Variants in ITGA4 observed in about 807,000 individuals in gnomAD.
The protein encoded by ITGA4 is integrin subunit alpha 4, also known as integrin alpha-4.
A neutral mutation model predicts 133.6 loss-of-function variants in ITGA4; 63 were observed. The ratio of observed to expected loss-of-function variants is 0.47; its 90% CI spans 0.38 to 0.58. The LOEUF is 0.58. ITGA4 is among the 20% of genes least tolerant of loss of function. The pLI, the probability that ITGA4 is intolerant of heterozygous loss-of-function variation, is 0.00. For synonymous variants in ITGA4, 483 were observed against 438.0 expected (o/e 1.10, Z -1.28); for missense variants, 1,076 against 1,252.7 (o/e 0.86, Z 2.13).
intron 2 of ITGA4, among the ~76,000 whole-genome samples, chr2:181,474,225 T>A (rs892834098): frequency 3.9e-5 from 6 of 152,228 alleles, no homozygotes; most frequent in African/African-American, 1.4e-4. Flanking sequence ...TAATGATCAC[T>A]GTGAAGACCA....
chr2:181,534,487 G>A, intron 26 of ITGA4, 117 bp downstream of exon 26: 1 of 697,878 alleles, frequency 1.4e-6, no homozygotes, highest in South Asian at 1.8e-5. Flanking sequence ...ACCAGCTCAT[G>A]GAGGGCCCCC....
intron 17 of ITGA4, among the ~76,000 whole-genome samples, chr2:181,515,010 C>A (rs1686578084): frequency 6.6e-6 from 1 of 152,024 alleles, no homozygotes; most frequent in Non-Finnish European, 1.5e-5. Flanking sequence ...CTCTGAGCCA[C>A]CTTTATGAGA....
intron 10 of ITGA4, among the ~76,000 whole-genome samples, chr2:181,488,058 T>G (rs1574390923): frequency 6.6e-6 from 1 of 152,384 alleles, no homozygotes; most frequent in East Asian, 1.9e-4. Context: ...CTTTTGAATG[T>G]GAAAAGTATA....
chr2:181,526,836 T>TTTTTTTTTTTTTTTTG (rs1686840828), intron 21 of ITGA4, among the ~76,000 whole-genome samples: 1 of 101,512 alleles, frequency 9.9e-6, no homozygotes, highest in African/African-American at 5.7e-5. Flanking sequence ...TTTTTTTTTT[T>TTTTTTTTTTTTTTTTG]TTTTTTTTTT....
At chr2:181,503,273 C>T (rs1402123244) in intron 15 of ITGA4, among the ~76,000 whole-genome samples, 1 of 152,046 alleles carries the variant, frequency 6.6e-6, no homozygotes, top group African/African-American at 2.4e-5. Flanking sequence ...AAAAAGACTC[C>T]AGATCTTAAG....
rs202021861 is a variant in ITGA4 at position 181,536,728 on chromosome 2, T to G, written c.*1201T>G. The G allele has an allele frequency of 4.4e-5, 11 of 248,192 alleles. No individual in the cohort carries two copies. The highest frequency in any genetic ancestry group is 2.5e-4 in the African/African-American group (11 of 43,718). 15.4% of individuals were successfully genotyped at this position (248,192 alleles called of 1,614,324 possible). ...TGTTCATACTATATGAGGTTCTATT[T>G]TAAATGACTTTCTGGATTTTAAAAA... On this transcript the variant is annotated 3_prime_UTR_variant, in exon 28 of 28. Transcript: ENST00000397033.
rs1431916927 is a variant in ITGA4 at position 181,536,340 on chromosome 2, G to GTT, written c.*814_*815dup. On this transcript the variant is annotated 3_prime_UTR_variant, in exon 28 of 28. Transcript: ENST00000397033. The stretch of plus-strand genomic sequence containing the variant: ...CCCAGGAGTAATCTTCAAATCTTTT[G>GTT]TTATATTCTGAAACAAAAGATTGTG... 6.6e-6 allele frequency among the ~76,000 whole-genome samples: 1 copy of GTT among 151,684 alleles called. No homozygotes were observed. Among genetic ancestry groups the GTT allele is most frequent in the African/African-American group, 2.4e-5 (1 of 41,310 alleles).
Position 181,498,721 on chromosome 2 carries a change from A to G in ITGA4, c.1639A>G (p.Ser547Gly). ...TGGAACTTCTGACGTGATTACAGGAAGCATACAGGTGTCCAGCAGAGAAGC... is the reference window on the plus strand; with the variant it reads ...TGGAACTTCTGACGTGATTACAGGAGGCATACAGGTGTCCAGCAGAGAAGC... ...SNGTSDVITGSIQVSSREANC... is the reference protein window; with the variant it reads ...SNGTSDVITGGIQVSSREANC... The change falls in exon 15 of 28, where the codon AGC becomes GGC. Residue 547 changes from serine (S) to glycine (G), a missense_variant. This residue lies in a region of ITGA4 where 365 missense variants were observed against 421.4 expected (regional missense o/e 0.87). Coordinates refer to ENST00000397033, the MANE Select transcript of ITGA4 (RefSeq NM_000885.6). 6.2e-7 allele frequency: 1 copy of G among 1,612,788 alleles called. No individual in the cohort carries two copies. The highest frequency in any genetic ancestry group is 1.3e-5 in the African/African-American group (1 of 74,956).
chr2:181,464,091 G>A (rs918851827), intron 2 of ITGA4, among the ~76,000 whole-genome samples: 2 of 151,750 alleles, frequency 1.3e-5, no homozygotes, highest in Non-Finnish European at 2.9e-5. Context: ...AAAAGAGGCT[G>A]AAAAAAAGGC....
At chr2:181,490,199 G>C (rs972018912) in intron 10 of ITGA4, among the ~76,000 whole-genome samples, 3 of 152,192 alleles carry the variant, frequency 2.0e-5, no homozygotes, top group African/African-American at 7.2e-5. Flanking sequence ...GGGCCAGGCT[G>C]TCTGCTTGTG....
intron 15 of ITGA4, among the ~76,000 whole-genome samples, chr2:181,508,030 A>G (rs1055875947): frequency 6.6e-6 from 1 of 152,062 alleles, no homozygotes; most frequent in Admixed American, 6.6e-5. Context: ...AATTTTTTTA[A>G]TGAGGATAGC....
At chr2:181,472,051 T>C (rs925176469) in intron 2 of ITGA4, among the ~76,000 whole-genome samples, 20 of 152,158 alleles carry the variant, frequency 1.3e-4, no homozygotes, top group Admixed American at 6.5e-5. Flanking sequence ...GGAAGTGATG[T>C]TAGTAAGTGA....
chr2:181,518,047 G>A (rs1686645543), intron 17 of ITGA4, among the ~76,000 whole-genome samples: 1 of 151,880 alleles, frequency 6.6e-6, no homozygotes, highest in African/African-American at 2.4e-5. Flanking sequence ...TGATTATAGA[G>A]TTTGGGGTGG....
chr2:181,505,477 T>C (rs1686374575), intron 15 of ITGA4, among the ~76,000 whole-genome samples: 1 of 152,068 alleles, frequency 6.6e-6, no homozygotes, highest in Non-Finnish European at 1.5e-5. Flanking sequence ...TATGTAATTG[T>C]CCATAAAAAT....
intron 24 of ITGA4, 110 bp downstream of exon 24, chr2:181,530,759 A>G: frequency 1.0e-6 from 1 of 962,000 alleles, no homozygotes; most frequent in Non-Finnish European, 1.6e-6. Context: ...GAGAGAAGAC[A>G]AGTTTAGGTA....
At chr2:181,472,720 G>T (rs3770125) in intron 2 of ITGA4, among the ~76,000 whole-genome samples, 16,479 of 151,990 alleles carry the variant, frequency 0.11, 1,013 homozygotes, top group East Asian at 0.21. Context: ...TGTTGGTTTG[G>T]CATTAGGTAG....
chr2:181,477,850 C>T (rs1238061508), intron 4 of ITGA4, among the ~76,000 whole-genome samples: 1 of 151,948 alleles, frequency 6.6e-6, no homozygotes, highest in African/African-American at 2.4e-5. Context: ...GGGTATATAT[C>T]CAAAGGAAAT....
At chr2:181,530,694 GA>G in intron 24 of ITGA4, 45 bp downstream of exon 24, 1 of 1,571,794 alleles carries the variant, frequency 6.4e-7, no homozygotes, top group South Asian at 1.1e-5. Context: ...TTCCAACAGA[GA>G]AGTGAGACAC....
Position 181,511,728 on chromosome 2 carries a change from A to C in ITGA4, c.1875A>C (p.Glu625Asp). The change falls in exon 17 of 28, where the codon GAA becomes GAC. Residue 625 changes from glutamate to aspartate, a missense_variant. Transcript: ENST00000397033. The stretch of plus-strand genomic sequence containing the variant: ...ACTTTGCAAGGTTTTGTGCCCATGA[A>C]AATTGTTCTGCTGATTTACAGGTTT... ...TINFARFCAH[E>D]NCSADLQVSA... The C allele has an allele frequency of 6.2e-7, 1 of 1,601,310 alleles. No homozygotes were observed. The highest frequency in any genetic ancestry group is 8.6e-7 in the Non-Finnish European group (1 of 1,169,010).
Sources: allele counts gnomAD v4.1 joint callset (sites outside exome capture counted in the v4.1 genomes callset), GRCh38; gene constraint gnomAD v4.1.1; regional missense constraint gnomAD v4.1.1; transcripts MANE v1.5; gene names NCBI Gene and HGNC (gene_info 2026-07-23, HGNC 2026-07-21).